SH2D4A: variants seen among roughly 807,000 people sequenced by gnomAD.
SH2D4A encodes the protein SH2 domain-containing protein 4A.
A neutral mutation model predicts 64.7 loss-of-function variants in SH2D4A; 70 were observed. The observed-to-expected ratio is 1.08, with a 90% CI of 0.89 to 1.32. SH2D4A has a LOEUF of 1.32. Ranked by LOEUF, SH2D4A falls within the 40% of genes most tolerant of loss-of-function variation. SH2D4A has a pLI of 0.00. For missense variants in SH2D4A, 706 were observed against 540.1 expected (o/e 1.31, Z -3.04); for synonymous variants, 268 against 200.7 (o/e 1.34, Z -2.83).
At chr8:19,341,154 C>G (rs1463002026) in intron 4 of SH2D4A, among the ~76,000 whole-genome samples, 1 of 152,194 alleles carries the variant, frequency 6.6e-6, no homozygotes, top group Non-Finnish European at 1.5e-5. Flanking sequence ...GCCCCCAGGC[C>G]TTCTCCTTTA....
chr8:19,321,470 T>C (rs1439328936), intron 2 of SH2D4A, among the ~76,000 whole-genome samples: 4 of 152,202 alleles, frequency 2.6e-5, no homozygotes. Context: ...CACCTGGGCC[T>C]CCCAAAGTGC....
chr8:19,383,801 T>A (rs1037629772), intron 8 of SH2D4A, among the ~76,000 whole-genome samples: 2 of 152,176 alleles, frequency 1.3e-5, no homozygotes, highest in Admixed American at 1.3e-4. Context: ...TAGTCTTTAA[T>A]GTCTGGCTGC....
intron 4 of SH2D4A, among the ~76,000 whole-genome samples, chr8:19,340,836 G>A (rs2052518619): frequency 6.6e-6 from 1 of 152,006 alleles, no homozygotes; most frequent in Non-Finnish European, 1.5e-5. Context: ...GGGCTCGAGT[G>A]ATCCTCCTGT....
At chr8:19,361,589 G>C (rs1027117874) in intron 6 of SH2D4A, among the ~76,000 whole-genome samples, 1 of 152,296 alleles carries the variant, frequency 6.6e-6, no homozygotes, top group Middle Eastern at 3.4e-3. Context: ...GTTTTGGAGA[G>C]TGTTTAATGA....
rs578250417 is a variant in SH2D4A at position 19,393,172 on chromosome 8, C to G, written c.1049-146C>G. The G allele has an allele frequency of 9.0e-5, 62 of 692,430 alleles. 1 individual carries two copies. In the African/African-American group the frequency reaches 1.1e-3, roughly 12 times the overall value. 42.9% of individuals were successfully genotyped at this position (692,430 alleles called of 1,614,324 possible). A position where few individuals can be genotyped will look rare whatever the true frequency, so the allele number is the denominator to read the frequency against. ...AATACCAGAAGAATATTCCGTATTC[C>G]TAAGAAGCCCAAAACAGACTTAAAA... is the stretch of plus-strand genomic sequence containing the variant. On this transcript the variant is annotated intron_variant, in intron 8 of 9. Coordinates refer to ENST00000265807, the MANE Select transcript of SH2D4A (RefSeq NM_022071.4).
At chr8:19,386,773 G>A (rs1353019641) in intron 8 of SH2D4A, among the ~76,000 whole-genome samples, 2 of 152,150 alleles carry the variant, frequency 1.3e-5, no homozygotes, top group African/African-American at 4.8e-5. Context: ...TCAAACATTT[G>A]TTATCACATG....
intron 6 of SH2D4A, 157 bp from the exon 7 acceptor site, chr8:19,363,915 G>A: frequency 2.9e-6 from 2 of 681,036 alleles, no homozygotes; most frequent in South Asian, 3.8e-5. Context: ...AGCCCTAATG[G>A]CCTGGATCAT....
intron 8 of SH2D4A, among the ~76,000 whole-genome samples, chr8:19,385,320 C>T (rs918889592): frequency 6.6e-6 from 1 of 151,956 alleles, no homozygotes; most frequent in Admixed American, 6.6e-5. Context: ...AATGATTCTC[C>T]TGCCTCTGCC....
intron 8 of SH2D4A, among the ~76,000 whole-genome samples, chr8:19,378,927 A>AAT (rs2053241663): frequency 6.6e-6 from 1 of 150,558 alleles, no homozygotes; most frequent in Non-Finnish European, 1.5e-5. Flanking sequence ...AAAAAAAAAA[A>AAT]AAAATATTGC....
intron 4 of SH2D4A, among the ~76,000 whole-genome samples, chr8:19,340,049 T>C (rs1028296566): frequency 2.6e-5 from 4 of 152,148 alleles, no homozygotes; most frequent in Non-Finnish European, 5.9e-5. Context: ...TCACCCCAAT[T>C]ACATTAGCAC....
intron 8 of SH2D4A, among the ~76,000 whole-genome samples, chr8:19,392,891 G>A (rs1357159362): frequency 1.3e-5 from 2 of 151,904 alleles, no homozygotes; most frequent in African/African-American, 2.4e-5. Flanking sequence ...ACAGGTGCTC[G>A]CCAAAACGCC....
At chr8:19,394,090 C>T (rs2053545829) in intron 9 of SH2D4A, among the ~76,000 whole-genome samples, 1 of 152,118 alleles carries the variant, frequency 6.6e-6, no homozygotes, top group African/African-American at 2.4e-5. Context: ...TTAGATTTTC[C>T]TAAGGAGCGC....
chr8:19,339,348 T>A (rs147167975), intron 4 of SH2D4A, among the ~76,000 whole-genome samples: 1 of 152,126 alleles, frequency 6.6e-6, no homozygotes, highest in Non-Finnish European at 1.5e-5. Context: ...CAGACACACC[T>A]AGGAACAATA....
intron 4 of SH2D4A, among the ~76,000 whole-genome samples, chr8:19,356,370 G>A (rs763350571): frequency 7.9e-5 from 12 of 152,160 alleles, no homozygotes; most frequent in East Asian, 5.8e-4. Context: ...GACAATTTCC[G>A]ATGTATGCCA....
chr8:19,348,914 C>A (rs931094103), intron 4 of SH2D4A, among the ~76,000 whole-genome samples: 11 of 152,256 alleles, frequency 7.2e-5, no homozygotes, highest in Middle Eastern at 3.4e-3. Flanking sequence ...CTGGTTCTGA[C>A]TGCAGACAGC....
chr8:19,342,659 G>T (rs147021694), intron 4 of SH2D4A, among the ~76,000 whole-genome samples: 13 of 152,296 alleles, frequency 8.5e-5, no homozygotes, highest in African/African-American at 2.9e-4. Context: ...TTCACAGGGG[G>T]AGCTGGGTCT....
In SH2D4A at chr8:19,313,769, G is replaced by A. The variant is rs2052035490; in HGVS notation, c.-259G>A. The stretch of plus-strand genomic sequence containing the variant: ...CTCCCTTCCCCGACGGCTTCTGGCG[G>A]CCAAGTGGATGTGGCGGGTGATCGA... On this transcript the variant is annotated 5_prime_UTR_variant, in exon 1 of 10. Coordinates refer to ENST00000265807, the MANE Select transcript of SH2D4A (RefSeq NM_022071.4). 1.3e-6 allele frequency: 2 copies of A among 1,512,952 alleles called. No individual in the cohort carries two copies. Among genetic ancestry groups the A allele is most frequent in the Non-Finnish European group, 1.8e-6 (2 of 1,136,082 alleles). The allele number at this position is 1,512,952 out of a possible 1,614,324, so 93.7% of individuals were successfully genotyped here.
chr8:19,362,349 T>C (rs2052905236), intron 6 of SH2D4A, among the ~76,000 whole-genome samples: 3 of 152,202 alleles, frequency 2.0e-5, no homozygotes, highest in Admixed American at 6.5e-5. Context: ...TAAAAATCAT[T>C]TTTACATTCT....
chr8:19,334,906 A>G (rs763316444), intron 4 of SH2D4A, 49 bp downstream of exon 4: 23 of 1,543,990 alleles, frequency 1.5e-5, no homozygotes, highest in Admixed American at 6.2e-5. Context: ...ATGGGGGAGA[A>G]AAAGCTATTG....
Sources: gnomAD v4.1 joint callset for allele counts (sites outside exome capture counted in the v4.1 genomes callset) on GRCh38, gnomAD v4.1.1 for gene constraint, MANE v1.5 for transcripts, NCBI Gene and HGNC (gene_info 2026-07-23, HGNC 2026-07-21) for gene names.